Variants in PNPLA7 observed in about 807,000 individuals in gnomAD.
PNPLA7 encodes the protein patatin like domain 7, lysophospholipase, also known as patatin-like phospholipase domain-containing protein 7.
In PNPLA7, 153 loss-of-function variants were observed where a neutral mutation model predicts 161.7. That is an observed-to-expected ratio of 0.95 (90% CI 0.83 to 1.08). The LOEUF (loss-of-function observed/expected upper bound fraction) is 1.08, where lower values mean the gene tolerates loss of function less well. PNPLA7 is among the 50% of genes least tolerant of loss of function. The pLI, the probability that PNPLA7 is intolerant of heterozygous loss-of-function variation, is 0.00. For synonymous variants in PNPLA7, 809 were observed against 782.1 expected (o/e 1.03, Z -0.57); for missense variants, 1,739 against 1,856.6 (o/e 0.94, Z 1.16).
intron 23 of PNPLA7, chr9:137,479,563 A>G: frequency 9.3e-7 from 1 of 1,069,688 alleles, no homozygotes; most frequent in Non-Finnish European, 1.1e-6. Flanking sequence ...ACAAGGGAGC[A>G]TCACTAGCTG....
At chr9:137,464,744 T>TG in intron 26 of PNPLA7, 1 of 431,486 alleles carries the variant, frequency 2.3e-6, no homozygotes, top group Non-Finnish European at 4.3e-6. Context: ...CCCCCATGCC[T>TG]GGGGCCTCCT....
rs1588538126 is a variant in PNPLA7, at chr9:137,467,793, G to A, written c.2883-320C>T. On this transcript the variant is annotated intron_variant, in intron 25 of 34. Transcript: ENST00000406427. The surrounding 1 kb of genome is among the most constrained non-coding windows in gnomAD (Gnocchi z 5.1). ...CGCGCCTGTAATCCCAGCTACTCGG[G>A]AGGCTGAGGCAGGAGAATCACCTGA... Among the ~76,000 whole-genome samples the A allele has an allele frequency of 6.6e-6, 1 of 152,200 alleles. No individual in the cohort carries two copies. The highest frequency in any genetic ancestry group is 2.4e-5 in the African/African-American group (1 of 41,452).
chr9:137,534,087 C>T (rs1345196524), intron 8 of PNPLA7, among the ~76,000 whole-genome samples: 1 of 151,064 alleles, frequency 6.6e-6, no homozygotes, highest in Non-Finnish European at 1.5e-5. Context: ...GGCGGGAGGA[C>T]TCCCAGAATC....
rs546786233 is a variant in PNPLA7 at position 137,502,762 on chromosome 9, G to A, written c.1474-1035C>T. ...CGAGAGGGATGTGGGAGCCGGCCAC[G>A]GTGACATGGACGAGGCCGCTGGACA... On this transcript the variant is annotated intron_variant, in intron 14 of 34. Transcript: ENST00000406427. 1.8e-3 allele frequency among the ~76,000 whole-genome samples: 270 copies of A among 147,766 alleles called. 2 individuals are homozygous for A. The highest frequency in any genetic ancestry group is 3.1e-3 in the Non-Finnish European group (208 of 66,364).
chr9:137,539,495 A>C (rs1169134815), intron 8 of PNPLA7, among the ~76,000 whole-genome samples: 1 of 152,186 alleles, frequency 6.6e-6, no homozygotes, highest in Non-Finnish European at 1.5e-5. Flanking sequence ...AACATGGCAA[A>C]ACCTCATCTC....
At chr9:137,548,622 C>T in intron 1 of PNPLA7, among the ~76,000 whole-genome samples, 1 of 152,192 alleles carries the variant, frequency 6.6e-6, no homozygotes, top group Non-Finnish European at 1.5e-5. Context: ...GTGGTGGGTG[C>T]CTGTAGTCCC....
intron 1 of PNPLA7, among the ~76,000 whole-genome samples, chr9:137,548,349 G>A (rs1020144729): frequency 6.6e-6 from 1 of 152,228 alleles, no homozygotes; most frequent in Non-Finnish European, 1.5e-5. Context: ...GGATAGGGCA[G>A]GGGAAGCCAC....
chr9:137,510,131 T>C (rs1331066026), intron 12 of PNPLA7, among the ~76,000 whole-genome samples: 1 of 152,158 alleles, frequency 6.6e-6, no homozygotes, highest in East Asian at 1.9e-4. Context: ...AGGCGGATCA[T>C]GGTCCAGCGG....
chr9:137,471,975 G>A (rs1280673092), intron 25 of PNPLA7, among the ~76,000 whole-genome samples: 1 of 152,124 alleles, frequency 6.6e-6, no homozygotes, highest in East Asian at 1.9e-4. Flanking sequence ...GACTGACTGT[G>A]AAGCTACAGT....
At chr9:137,463,894 T>C (rs576504794) in intron 28 of PNPLA7, among the ~76,000 whole-genome samples, 3 of 152,124 alleles carry the variant, frequency 2.0e-5, no homozygotes, top group Non-Finnish European at 4.4e-5. Flanking sequence ...TAGCCCAACA[T>C]TGCTGATTCT....
Position 137,462,041 on chromosome 9 carries a change from C to G in PNPLA7, c.3646G>C (p.Glu1216Gln). The G allele has an allele frequency of 1.3e-6, 2 of 1,588,026 alleles. No individual in the cohort carries two copies. The highest frequency in any genetic ancestry group is 1.7e-6 in the Non-Finnish European group (2 of 1,167,802). The change falls in exon 32 of 35, where the codon GAA (glutamate) becomes CAA (glutamine). Residue 1216 changes from glutamate (E) to glutamine (Q), a missense_variant and splice_region_variant. Physicochemically the swap from Glu to Gln is conservative, Grantham distance 29. Transcript: ENST00000406427. ...GTGCGCCCGTGCTGGTAGCCCACTT[C>G]CTGTGCACACCCCCAGGGCCCCGTC... ...LDFGKFNEIC[E>Q]VGYQHGRTVF...
In PNPLA7 at chr9:137,537,634, C is replaced by A. The variant is rs1211599817; in HGVS notation, c.747+3008G>T. On this transcript the variant is annotated intron_variant, in intron 8 of 34. Transcript: ENST00000406427. This position sits in a 1 kb window ranked among gnomAD's most constrained non-coding sequence, Gnocchi z 4.5. ...TCAGCCAATCACCTCCCATTTTTTA[C>A]TCCCACTACACTCAGGGAAGATCCA... Among the ~76,000 whole-genome samples the A allele has an allele frequency of 1.3e-5, 2 of 152,094 alleles. No homozygotes were observed. The highest frequency in any genetic ancestry group is 2.9e-5 in the Non-Finnish European group (2 of 68,012).
intron 21 of PNPLA7, among the ~76,000 whole-genome samples, chr9:137,482,839 C>T (rs940541072): frequency 2.6e-5 from 4 of 152,240 alleles, no homozygotes; most frequent in Non-Finnish European, 4.4e-5. Flanking sequence ...ACAATTTCTC[C>T]GATCCTATAA....
chr9:137,508,485 T>C (rs1834036119), intron 12 of PNPLA7, among the ~76,000 whole-genome samples: 1 of 151,872 alleles, frequency 6.6e-6, no homozygotes. Context: ...GAGAATTGCT[T>C]GAACCCCAGA....
At chr9:137,527,890 T>C (rs1368330613) in intron 8 of PNPLA7, among the ~76,000 whole-genome samples, 3 of 152,262 alleles carry the variant, frequency 2.0e-5, no homozygotes, top group Non-Finnish European at 4.4e-5. Flanking sequence ...TCTGGAATTC[T>C]CCAGGTGGGA....
chr9:137,533,587 G>A (rs1405666652), intron 8 of PNPLA7, among the ~76,000 whole-genome samples: 1 of 144,304 alleles, frequency 6.9e-6, no homozygotes, highest in Non-Finnish European at 1.5e-5. Context: ...AGGACTCCCA[G>A]AATCCTCCAC....
At chr9:137,522,942 A>G in intron 8 of PNPLA7, 85 bp from the exon 9 acceptor site, 3 of 1,557,864 alleles carry the variant, frequency 1.9e-6, no homozygotes, top group Non-Finnish European at 2.6e-6. Context: ...GCCCTGGAGG[A>G]GGCCCCGCCT....
Position 137,547,499 on chromosome 9 carries a change from G to C in PNPLA7, c.105+86C>G. On this transcript the variant is annotated intron_variant, in intron 2 of 34. Coordinates refer to ENST00000406427, the MANE Select transcript of PNPLA7 (RefSeq NM_001098537.3). The surrounding 1 kb of genome is among the most constrained non-coding windows in gnomAD (Gnocchi z 4.6). ...GGCTGCCCAACCACAGGCTGGGCAG[G>C]AATGAGCCAGGGGATGGGGACAGGG... 6.3e-7 allele frequency: 1 copy of C among 1,591,980 alleles called. No individual in the cohort carries two copies. Among genetic ancestry groups the C allele is most frequent in the Non-Finnish European group, 8.6e-7 (1 of 1,160,990 alleles).
intron 26 of PNPLA7, 101 bp from the exon 27 acceptor site, chr9:137,464,557 G>T (rs1831378779): frequency 2.8e-6 from 3 of 1,068,566 alleles, no homozygotes; most frequent in Non-Finnish European, 4.3e-6. Context: ...TGGAACGGGG[G>T]TCCAGAGTGT....
Sources: gnomAD v4.1 joint callset for allele counts (sites outside exome capture counted in the v4.1 genomes callset) on GRCh38, gnomAD v4.1.1 for gene constraint, Gnocchi (gnomAD v3.1) non-coding constraint, MANE v1.5 for transcripts, NCBI Gene and HGNC (gene_info 2026-07-23, HGNC 2026-07-21) for gene names.